The following MACROD1 variants were observed in gnomAD, a reference collection of about 807,000 sequenced individuals.
MACROD1 encodes the protein mono-ADP ribosylhydrolase 1, also known as ADP-ribose glycohydrolase MACROD1.
In MACROD1, 31 loss-of-function variants were observed where a neutral mutation model predicts 41.4. The observed-to-expected ratio is 0.75, with a 90% CI of 0.56 to 1.01. The LOEUF (loss-of-function observed/expected upper bound fraction) is 1.01, where lower values mean the gene tolerates loss of function less well. Among genes scored for constraint, MACROD1 ranks in the 50% least tolerant of loss-of-function variants. The pLI is 0.00. For missense variants in MACROD1, 473 were observed against 460.0 expected (o/e 1.03, Z -0.26); for synonymous variants, 252 against 203.4 (o/e 1.24, Z -2.03).
At position 63,999,373 on chromosome 11, in the gene MACROD1, C is replaced by T. The variant is rs1258814769; in HGVS notation, c.849G>A (p.Val283=). 1 of 1,593,608 alleles carries T rather than the reference C, an allele frequency of 6.3e-7. No individual in the cohort carries two copies. The change falls in exon 8 of 11, where the codon GTG becomes GTA. Residue 283 remains valine (V), a synonymous_variant. Coordinates refer to ENST00000255681, the MANE Select transcript of MACROD1 (RefSeq NM_014067.4). ...GYPCEAAAEI[V]LATLREWLEQ... ...CCAGCCACTCTCGCAGCGTGGCCAG[C>T]ACGATCTCGGCGGCCGCCTCACAGG...
At chr11:64,052,315 A>G (rs777947318) in intron 3 of MACROD1, among the ~76,000 whole-genome samples, 4 of 152,160 alleles carry the variant, frequency 2.6e-5, no homozygotes, top group Non-Finnish European at 4.4e-5. Flanking sequence ...AGTTGTGAGA[A>G]TTATTTCCCT....
chr11:64,127,673 A>ACTC (rs2134649297), intron 3 of MACROD1, among the ~76,000 whole-genome samples: 1 of 152,244 alleles, frequency 6.6e-6, no homozygotes, highest in African/African-American at 2.4e-5. Flanking sequence ...CTGAACGTAG[A>ACTC]CTCCGAGGGG....
chr11:64,060,400 G>T (rs1345887378), intron 3 of MACROD1: 2 of 152,286 alleles, frequency 1.3e-5, no homozygotes, highest in Non-Finnish European at 2.9e-5. Context: ...CGGATTGGTT[G>T]TGTTTCCGGA....
intron 3 of MACROD1, among the ~76,000 whole-genome samples, chr11:64,145,890 C>T (rs1945488888): frequency 6.6e-6 from 1 of 152,184 alleles, no homozygotes; most frequent in Non-Finnish European, 1.5e-5. Flanking sequence ...CTGCCGCAGC[C>T]TCCTGACTAG....
chr11:64,000,179 C>G, intron 5 of MACROD1, 48 bp downstream of exon 5: 1 of 1,472,806 alleles, frequency 6.8e-7, no homozygotes. Flanking sequence ...CAGTGACACA[C>G]GGGCGCCCTG....
Position 64,152,371 on chromosome 11 carries a change from G to C in MACROD1, c.321C>G (p.Asp107Glu). Residue 107 changes from aspartate to glutamate, a missense_variant, in exon 2 of 11, where the codon GAC (aspartate) becomes GAG (glutamate). By Grantham distance (45) the Asp-to-Glu change is conservative (BLOSUM62 2). Transcript: ENST00000255681. ...AGAAGTAATGTTCCTCCCGCTGCTTGTCACTCAGGCCCTTCAGAAAGGCTG... is the reference window on the plus strand; with the variant it reads ...AGAAGTAATGTTCCTCCCGCTGCTTCTCACTCAGGCCCTTCAGAAAGGCTG... ...EAKSFLKGLSDKQREEHYFCK... is the reference protein window; with the variant it reads ...EAKSFLKGLSEKQREEHYFCK... 6.2e-7 allele frequency: 1 copy of C among 1,614,206 alleles called. No homozygotes were observed. The highest frequency in any genetic ancestry group is 8.5e-7 in the Non-Finnish European group (1 of 1,180,024).
At chr11:64,084,033 A>G (rs2622429) in intron 3 of MACROD1, among the ~76,000 whole-genome samples, 149,230 of 152,296 alleles carry the variant, frequency 0.98, 73,179 homozygotes, top group South Asian at 1. Flanking sequence ...CTCAGGAGGC[A>G]GAGCTGGTGG....
chr11:64,054,473 G>C (rs1943748026), intron 3 of MACROD1, among the ~76,000 whole-genome samples: 1 of 152,106 alleles, frequency 6.6e-6, no homozygotes, highest in African/African-American at 2.4e-5. Flanking sequence ...TGGGTGCTGG[G>C]TTCGCTGTGC....
intron 3 of MACROD1, among the ~76,000 whole-genome samples, chr11:64,059,668 T>G (rs1472509777): frequency 6.6e-6 from 1 of 152,098 alleles, no homozygotes; most frequent in African/African-American, 2.4e-5. Flanking sequence ...CCTGCAGTGG[T>G]GCAGATGGGG....
At chr11:64,079,907 G>A (rs1944273991) in intron 3 of MACROD1, among the ~76,000 whole-genome samples, 1 of 152,160 alleles carries the variant, frequency 6.6e-6, no homozygotes, top group South Asian at 2.1e-4. Context: ...TCGTAAATGA[G>A]GGAGGCAGGG....
At chr11:64,054,591 G>A (rs531591668) in intron 3 of MACROD1, among the ~76,000 whole-genome samples, 1 of 152,264 alleles carries the variant, frequency 6.6e-6, no homozygotes, top group South Asian at 2.1e-4. Flanking sequence ...CCATCTACCA[G>A]GGCAAGCCAC....
intron 1 of MACROD1, among the ~76,000 whole-genome samples, chr11:64,153,208 G>C (rs367830878): frequency 6.6e-6 from 1 of 152,088 alleles, no homozygotes; most frequent in South Asian, 2.1e-4. Context: ...GGCCCGCCCC[G>C]ACCGCGCCAG....
intron 3 of MACROD1, among the ~76,000 whole-genome samples, chr11:64,138,173 C>A (rs1945357458): frequency 6.6e-6 from 1 of 152,198 alleles, no homozygotes; most frequent in Non-Finnish European, 1.5e-5. Flanking sequence ...TGAACCCAGC[C>A]CTGTCCCATG....
chr11:64,057,673 G>A (rs1390979345), intron 3 of MACROD1, among the ~76,000 whole-genome samples: 1 of 152,202 alleles, frequency 6.6e-6, no homozygotes, highest in Non-Finnish European at 1.5e-5. Context: ...GGGTCCCCAG[G>A]GTGTCTGCTC....
chr11:64,029,979 T>G (rs1377016889), intron 3 of MACROD1, among the ~76,000 whole-genome samples: 1 of 152,008 alleles, frequency 6.6e-6, no homozygotes, highest in Non-Finnish European at 1.5e-5. Context: ...GAGGGGCCCA[T>G]GAGAGAAGCC....
intron 3 of MACROD1, among the ~76,000 whole-genome samples, chr11:64,031,017 GAAGT>G: frequency 6.6e-6 from 1 of 152,242 alleles, no homozygotes; most frequent in East Asian, 1.9e-4. Flanking sequence ...AGGGTGCAGA[GAAGT>G]AAGACCCTTG....
At chr11:64,161,351 A>ATCACAAGAG (rs1945752560) in intron 1 of MACROD1, among the ~76,000 whole-genome samples, 1 of 152,182 alleles carries the variant, frequency 6.6e-6, no homozygotes, top group African/African-American at 2.4e-5. Flanking sequence ...ATGAACAGAT[A>ATCACAAGAG]TCACAAGAGT....
chr11:64,068,007 G>A (rs1436275026), intron 3 of MACROD1, among the ~76,000 whole-genome samples: 6 of 152,128 alleles, frequency 3.9e-5, no homozygotes, highest in African/African-American at 4.8e-5. Flanking sequence ...AGCTCAGAAC[G>A]GAAAACCGCC....
At chr11:64,030,062 G>A (rs919237232) in intron 3 of MACROD1, among the ~76,000 whole-genome samples, 1 of 152,054 alleles carries the variant, frequency 6.6e-6, no homozygotes, top group African/African-American at 2.4e-5. Context: ...CACCCCCCGG[G>A]TGACACAGTC....
Sources: gnomAD v4.1 joint callset for allele counts (sites outside exome capture counted in the v4.1 genomes callset) on GRCh38, gnomAD v4.1.1 for gene constraint, MANE v1.5 for transcripts, NCBI Gene and HGNC (gene_info 2026-07-23, HGNC 2026-07-21) for gene names.